The following LOC400499 variants were observed in gnomAD, a reference collection of about 807,000 sequenced individuals.
the LOC400499 span, chr16:11,372,212 C>T: frequency 1.3e-5 from 2 of 152,194 alleles, no homozygotes; most frequent in African/African-American, 4.8e-5. Flanking sequence ...AGCTGCCTAC[C>T]TGGGCTTCTG....
the LOC400499 span, chr16:11,383,505 TAATA>T: frequency 1.0e-6 from 1 of 987,350 alleles, no homozygotes; most frequent in African/African-American, 1.7e-5. Context: ...CAGGCAGTCT[TAATA>T]AATGTTGTGA....
the LOC400499 span, chr16:11,392,344 G>A: frequency 7.5e-6 from 3 of 398,998 alleles, no homozygotes; most frequent in Non-Finnish European, 1.3e-5. Flanking sequence ...GGCCCCCCTG[G>A]CAGCCGCGCG....
chr16:11,514,994 G>A, the LOC400499 span, among the ~76,000 whole-genome samples: 16 of 152,152 alleles, frequency 1.1e-4, no homozygotes, highest in Non-Finnish European at 4.4e-5. Flanking sequence ...AGACAGAGGC[G>A]GGGAGGAGGG....
At chr16:11,494,566 T>A in the LOC400499 span, 1 of 377,424 alleles carries the variant, frequency 2.6e-6, no homozygotes, top group Non-Finnish European at 4.7e-6. Flanking sequence ...GGACACTGGA[T>A]GTCCTCACCT....
the LOC400499 span, chr16:11,385,299 G>A: frequency 8.1e-6 from 10 of 1,232,192 alleles, no homozygotes; most frequent in African/African-American, 3.1e-5. Context: ...CAGCGTCAGC[G>A]AGAATGTGTT....
At chr16:11,394,081 G>A in the LOC400499 span, among the ~76,000 whole-genome samples, 1 of 152,130 alleles carries the variant, frequency 6.6e-6, no homozygotes, top group African/African-American at 2.4e-5. Flanking sequence ...TGGGGGCCCC[G>A]GGCCCTGGCA....
chr16:11,463,563 C>G, the LOC400499 span, among the ~76,000 whole-genome samples: 1 of 151,584 alleles, frequency 6.6e-6, no homozygotes, highest in Admixed American at 6.6e-5. Flanking sequence ...TGTGTGTGAA[C>G]GTATGTATAC....
At chr16:11,513,569 T>C in the LOC400499 span, among the ~76,000 whole-genome samples, 89,302 of 151,140 alleles carry the variant, frequency 0.59, 26,802 homozygotes, top group Admixed American at 0.66. Context: ...TAGCTGGAAT[T>C]ACAGGCGCCC....
chr16:11,383,903 T>C, the LOC400499 span: 24 of 1,231,852 alleles, frequency 1.9e-5, no homozygotes, highest in African/African-American at 4.7e-5. Flanking sequence ...AAGCAGTCCC[T>C]CAAGCTGGAG....
the LOC400499 span, among the ~76,000 whole-genome samples, chr16:11,479,275 G>C: frequency 6.6e-6 from 1 of 152,232 alleles, no homozygotes; most frequent in East Asian, 1.9e-4. Flanking sequence ...CTGTGTGTAT[G>C]TTTTCATGAA....
the LOC400499 span, among the ~76,000 whole-genome samples, chr16:11,410,999 G>A: frequency 6.6e-6 from 1 of 152,268 alleles, no homozygotes; most frequent in Admixed American, 6.5e-5. Context: ...GGGTGAGGAG[G>A]CCTCCCCCAT....
At chr16:11,519,534 C>T in the LOC400499 span, among the ~76,000 whole-genome samples, 18 of 152,138 alleles carry the variant, frequency 1.2e-4, no homozygotes, top group Admixed American at 9.8e-4. Flanking sequence ...GTCAAGACTT[C>T]AAGACCAGCC....
the LOC400499 span, among the ~76,000 whole-genome samples, chr16:11,422,270 T>C: frequency 6.6e-6 from 1 of 151,996 alleles, no homozygotes; most frequent in Non-Finnish European, 1.5e-5. Flanking sequence ...GGCGTGGTGG[T>C]GGGCACCTGT....
At chr16:11,446,823 C>A in the LOC400499 span, 1 of 1,536,164 alleles carries the variant, frequency 6.5e-7, no homozygotes, top group Non-Finnish European at 8.7e-7. Context: ...CAACCCTAGT[C>A]TCCAGGGAAT....
the LOC400499 span, among the ~76,000 whole-genome samples, chr16:11,418,290 C>G: frequency 6.6e-6 from 1 of 152,204 alleles, no homozygotes; most frequent in Non-Finnish European, 1.5e-5. Context: ...AGGCTGAGAC[C>G]TACCAGGCTG....
the LOC400499 span, among the ~76,000 whole-genome samples, chr16:11,510,628 G>T: frequency 6.6e-6 from 1 of 151,538 alleles, no homozygotes; most frequent in Non-Finnish European, 1.5e-5. Context: ...TCAGCCTCAG[G>T]GTGGCAGAAA....
At chr16:11,439,515 C>T in the LOC400499 span, 13 of 399,048 alleles carry the variant, frequency 3.3e-5, no homozygotes, top group African/African-American at 4.1e-5. Context: ...AATGTTGGTC[C>T]GTGAGGATGC....
At chr16:11,406,738 C>T in the LOC400499 span, among the ~76,000 whole-genome samples, 10 of 152,334 alleles carry the variant, frequency 6.6e-5, no homozygotes, top group African/African-American at 1.2e-4. Context: ...GGCCTTCCCC[C>T]GGATTTTCAA....
chr16:11,449,913 C>T, the LOC400499 span, among the ~76,000 whole-genome samples: 10 of 152,256 alleles, frequency 6.6e-5, no homozygotes, highest in African/African-American at 1.7e-4. Flanking sequence ...CGGGCCAGGC[C>T]GCCATGCCCT....
Sources: gnomAD v4.1 joint callset for allele counts (sites outside exome capture counted in the v4.1 genomes callset) on GRCh38, gnomAD v4.1.1 for gene constraint, MANE v1.5 for transcripts.